LRRTM4: variants seen among roughly 807,000 people sequenced by gnomAD.
LRRTM4 encodes leucine rich repeat transmembrane neuronal 4.
LRRTM4 carries 25 observed loss-of-function variants against 47.6 expected under a neutral mutation model. That is an observed-to-expected ratio of 0.53 (90% CI 0.38 to 0.73). LRRTM4 has a LOEUF of 0.73. Among genes scored for constraint, LRRTM4 ranks in the 30% least tolerant of loss-of-function variants. The pLI is 0.00. For synonymous variants in LRRTM4, 311 were observed against 269.5 expected, an observed-to-expected ratio of 1.15 and a Z score of -1.51; for missense variants, 638 against 713.4, an observed-to-expected ratio of 0.89 and a Z score of 1.20.
chr2:76,852,071 A>G (rs1203790237), intron 3 of LRRTM4, among the ~76,000 whole-genome samples: 2 of 152,002 alleles, frequency 1.3e-5, no homozygotes, highest in African/African-American at 2.4e-5. Flanking sequence ...ATGATTTTTG[A>G]GCTCTTACTA....
At chr2:76,800,702 C>G (rs1675619371) in intron 3 of LRRTM4, among the ~76,000 whole-genome samples, 1 of 123,000 alleles carries the variant, frequency 8.1e-6, no homozygotes, top group Non-Finnish European at 1.7e-5. Flanking sequence ...ACAACCTACT[C>G]ATCTGACAAA....
At chr2:77,108,740 C>G (rs984858368) in intron 3 of LRRTM4, among the ~76,000 whole-genome samples, 1 of 151,806 alleles carries the variant, frequency 6.6e-6, no homozygotes, top group African/African-American at 2.4e-5. Flanking sequence ...CCCGCCACCA[C>G]GCCCGGCTAA....
intron 3 of LRRTM4, among the ~76,000 whole-genome samples, chr2:77,260,866 C>T (rs761071183): frequency 7.9e-5 from 12 of 152,008 alleles, no homozygotes; most frequent in East Asian, 1.9e-4. Flanking sequence ...CTAGAATTGG[C>T]GACAATTTTA....
At chr2:77,348,738 T>C (rs769590887) in intron 3 of LRRTM4, among the ~76,000 whole-genome samples, 6 of 150,538 alleles carry the variant, frequency 4.0e-5, no homozygotes, top group Non-Finnish European at 5.9e-5. Context: ...CCACCTCTTA[T>C]GTACGTTTAT....
At chr2:76,795,857 G>A (rs566651097) in intron 3 of LRRTM4, among the ~76,000 whole-genome samples, 140 of 152,116 alleles carry the variant, frequency 9.2e-4, no homozygotes, top group Admixed American at 1.0e-3. Flanking sequence ...AGCTCCCAGC[G>A]TGAGCGACGC....
At chr2:77,211,127 C>T (rs1382002979) in intron 3 of LRRTM4, among the ~76,000 whole-genome samples, 1 of 151,962 alleles carries the variant, frequency 6.6e-6, no homozygotes, top group Non-Finnish European at 1.5e-5. Flanking sequence ...GTTGAAAAAG[C>T]TAAACACTAG....
At chr2:77,002,041 A>T (rs1004691508) in intron 3 of LRRTM4, among the ~76,000 whole-genome samples, 2 of 152,138 alleles carry the variant, frequency 1.3e-5, no homozygotes, top group Admixed American at 1.3e-4. Context: ...CACACAATTT[A>T]TAAAATACAC....
At chr2:77,069,928 T>G (rs1680094955) in intron 3 of LRRTM4, among the ~76,000 whole-genome samples, 1 of 152,196 alleles carries the variant, frequency 6.6e-6, no homozygotes, top group Admixed American at 6.5e-5. Flanking sequence ...CACTTGCCTG[T>G]AAAACATATT....
intron 3 of LRRTM4, among the ~76,000 whole-genome samples, chr2:76,932,481 A>C (rs1330667521): frequency 6.6e-6 from 1 of 152,056 alleles, no homozygotes; most frequent in Non-Finnish European, 1.5e-5. Flanking sequence ...GAGTAAAGTG[A>C]AAGTTAGGAG....
At chr2:77,143,067 A>C (rs893508474) in intron 3 of LRRTM4, among the ~76,000 whole-genome samples, 1 of 152,192 alleles carries the variant, frequency 6.6e-6, no homozygotes, top group African/African-American at 2.4e-5. Context: ...AACACAAGCC[A>C]TTTATCAAAT....
chr2:76,889,470 A>C (rs1173138541), intron 3 of LRRTM4, among the ~76,000 whole-genome samples: 1 of 151,950 alleles, frequency 6.6e-6, no homozygotes, highest in Non-Finnish European at 1.5e-5. Context: ...CCCTTCCTTC[A>C]ATATTTTCAC....
chr2:77,282,654 C>G (rs191779741), intron 3 of LRRTM4, among the ~76,000 whole-genome samples: 1 of 151,842 alleles, frequency 6.6e-6, no homozygotes, highest in African/African-American at 2.4e-5. Context: ...ACACATAGAC[C>G]AATGGAACAG....
At chr2:77,421,819 G>C (rs1050177890) in intron 3 of LRRTM4, among the ~76,000 whole-genome samples, 1 of 152,124 alleles carries the variant, frequency 6.6e-6, no homozygotes, top group African/African-American at 2.4e-5. Context: ...CCAGGGTTGA[G>C]AAATCTTGAG....
intron 3 of LRRTM4, among the ~76,000 whole-genome samples, chr2:77,246,247 T>G (rs1394026048): frequency 6.6e-6 from 1 of 152,156 alleles, no homozygotes; most frequent in Non-Finnish European, 1.5e-5. Context: ...TGAATGTGCT[T>G]TCTAATCTCT....
chr2:77,399,271 A>G (rs1265694940), intron 3 of LRRTM4, among the ~76,000 whole-genome samples: 2 of 151,648 alleles, frequency 1.3e-5, no homozygotes, highest in Non-Finnish European at 2.9e-5. Context: ...AAATATGTAT[A>G]CACTTTAGAA....
intron 3 of LRRTM4, among the ~76,000 whole-genome samples, chr2:76,914,178 A>C (rs12614564): frequency 6.6e-6 from 1 of 151,946 alleles, no homozygotes; most frequent in Non-Finnish European, 1.5e-5. Context: ...TGTTCTTGGT[A>C]AATTTAATTG....
chr2:76,925,244 GA>G (rs1674553240), intron 3 of LRRTM4, among the ~76,000 whole-genome samples: 1 of 152,134 alleles, frequency 6.6e-6, no homozygotes, highest in Non-Finnish European at 1.5e-5. Context: ...TACTCTTCAT[GA>G]AGAAGCAAAT....
intron 3 of LRRTM4, among the ~76,000 whole-genome samples, chr2:77,145,907 T>C (rs1283188578): frequency 6.6e-6 from 1 of 152,148 alleles, no homozygotes; most frequent in African/African-American, 2.4e-5. Flanking sequence ...CAAAGATTAT[T>C]ATTCTTTCGA....
intron 3 of LRRTM4, among the ~76,000 whole-genome samples, chr2:76,771,060 C>T (rs1673680229): frequency 6.6e-6 from 1 of 152,140 alleles, no homozygotes; most frequent in South Asian, 2.1e-4. Context: ...GATGTTATTC[C>T]TAGCTCCTTA....
Sources: gnomAD v4.1 joint callset for allele counts (sites outside exome capture counted in the v4.1 genomes callset) on GRCh38, gnomAD v4.1.1 for gene constraint, MANE v1.5 for transcripts, NCBI Gene and HGNC (gene_info 2026-07-23, HGNC 2026-07-21) for gene names.